The following CAPZA1 variants were observed in gnomAD, a reference collection of about 807,000 sequenced individuals.
CAPZA1 encodes capping actin protein of muscle Z-line subunit alpha 1.
Under a neutral mutation model 40.8 loss-of-function variants are expected in CAPZA1, and 10 were observed. The observed-to-expected ratio is 0.25, with a 90% confidence interval of 0.15 to 0.42. CAPZA1 has a LOEUF of 0.42. CAPZA1 is among the 10% of genes least tolerant of loss of function. The pLI, the probability that CAPZA1 is intolerant of heterozygous loss-of-function variation, is 1.00. For synonymous variants in CAPZA1, 98 were observed against 115.0 expected, an observed-to-expected ratio of 0.85 and a Z score of 0.95; for missense variants, 277 against 353.8, an observed-to-expected ratio of 0.78 and a Z score of 1.74.
At position 112,669,622 on chromosome 1, in the gene CAPZA1, T is replaced by A. The variant is rs1671792387; in HGVS notation, c.720+17T>A. 6.5e-7 allele frequency: 1 copy of A among 1,531,964 alleles called. No individual in the cohort carries two copies. Among genetic ancestry groups the A allele is most frequent in the African/African-American group, 1.4e-5 (1 of 73,146 alleles). The allele number at this position is 1,531,964 out of a possible 1,614,324, so 94.9% of individuals were successfully genotyped here. On this transcript the variant is annotated intron_variant, in intron 9 of 9. Coordinates refer to ENST00000263168, the MANE Select transcript of CAPZA1 (RefSeq NM_006135.3). ...GAGTATCAGGTAAGAAGATTTGGAG[T>A]TAATTTTCCTAGATCTACTATCTTA...
At chr1:112,646,588 T>A (rs1671285412) in intron 1 of CAPZA1, among the ~76,000 whole-genome samples, 2 of 152,146 alleles carry the variant, frequency 1.3e-5, no homozygotes, top group South Asian at 4.1e-4. Flanking sequence ...AATAAATAAA[T>A]TAATAAAGTT....
chr1:112,659,631 C>T (rs1427683153), intron 6 of CAPZA1, 70 bp from the exon 7 acceptor site: 2 of 1,167,336 alleles, frequency 1.7e-6, no homozygotes, highest in Non-Finnish European at 2.5e-6. Flanking sequence ...AACTTCTGTA[C>T]CTCAGTGGCA....
At chr1:112,650,708 C>T (rs1214907578) in intron 3 of CAPZA1, among the ~76,000 whole-genome samples, 4 of 152,196 alleles carry the variant, frequency 2.6e-5, no homozygotes, top group African/African-American at 4.8e-5. Flanking sequence ...ATGCTCTGTA[C>T]GTCACTTGAT....
chr1:112,664,185 T>A (rs1484925227), intron 7 of CAPZA1, among the ~76,000 whole-genome samples: 1 of 144,718 alleles, frequency 6.9e-6, no homozygotes, highest in Non-Finnish European at 1.5e-5. Flanking sequence ...TGAGCCGACA[T>A]CAGCCACTGT....
chr1:112,667,689 A>G (rs1671749442), intron 8 of CAPZA1, among the ~76,000 whole-genome samples: 1 of 151,990 alleles, frequency 6.6e-6, no homozygotes, highest in Non-Finnish European at 1.5e-5. Flanking sequence ...GCATGCCACC[A>G]TGCCCAGCTA....
Position 112,620,129 on chromosome 1 carries a change from G to A in CAPZA1, c.39+246G>A, listed in dbSNP as rs769413841. ...TGAGGCACAGCCCAGGGGCCTCCCT[G>A]CAAGGGAACAGACGTTTCCTTTATT... is the stretch of plus-strand genomic sequence containing the variant. On this transcript the variant is annotated intron_variant, in intron 1 of 9. Coordinates refer to ENST00000263168, the MANE Select transcript of CAPZA1 (RefSeq NM_006135.3). 4 of 424,132 alleles carry A rather than the reference G, an allele frequency of 9.4e-6. No homozygotes were observed. In the South Asian group the frequency reaches 1.3e-4, roughly 14 times the overall value. 26.3% of individuals were successfully genotyped at this position (424,132 alleles called of 1,614,324 possible). A position where few individuals can be genotyped will look rare whatever the true frequency, so the allele number is the denominator to read the frequency against.
chr1:112,659,038 T>G lies in CAPZA1; in HGVS notation c.443T>G (p.Ile148Ser). 1 of 1,613,280 alleles carries G rather than the reference T, an allele frequency of 6.2e-7. No individual in the cohort carries two copies. Among genetic ancestry groups the G allele is most frequent in the Admixed American group, 1.7e-5 (1 of 59,990 alleles). The stretch of plus-strand genomic sequence containing the variant: ...CAACAATAGGTTTATGCTAAAACTA[T>G]CGATGGGCAACAGACTATTATTGCA... ...NGFCTVYAKT[I>S]DGQQTIIACI... Residue 148 changes from isoleucine to serine, a missense_variant, in exon 6 of 10, where the codon ATC becomes AGC. Ile to Ser is a moderately radical substitution (Grantham distance 142). Coordinates refer to ENST00000263168, the MANE Select transcript of CAPZA1 (RefSeq NM_006135.3).
intron 1 of CAPZA1, among the ~76,000 whole-genome samples, chr1:112,621,409 G>A (rs1437596594): frequency 6.6e-6 from 1 of 151,878 alleles, no homozygotes; most frequent in Admixed American, 6.6e-5. Context: ...CCGCCACCAA[G>A]TCCAGCTAAT....
At chr1:112,662,146 G>A (rs1671624480) in intron 7 of CAPZA1, among the ~76,000 whole-genome samples, 1 of 152,082 alleles carries the variant, frequency 6.6e-6, no homozygotes, top group African/African-American at 2.4e-5. Flanking sequence ...TCTCAACTCT[G>A]TCACCTAGGC....
In CAPZA1 at chr1:112,669,984, TA is replaced by T; in HGVS notation, c.721-7del. Reference sequence around the variant, plus strand: ...TTCAAGCAACTCATCTTCAATTATCTATTGCAGACAGCAATTAGTGAAAACT... The same window carrying T: ...TTCAAGCAACTCATCTTCAATTATCTTTGCAGACAGCAATTAGTGAAAACT... On this transcript the variant is annotated splice_polypyrimidine_tract_variant and splice_region_variant and intron_variant, in intron 9 of 9. Coordinates refer to ENST00000263168, the MANE Select transcript of CAPZA1 (RefSeq NM_006135.3). 1 of 1,613,420 alleles carries T rather than the reference TA, an allele frequency of 6.2e-7. No individual in the cohort carries two copies. Among genetic ancestry groups the T allele is most frequent in the Non-Finnish European group, 8.5e-7 (1 of 1,179,642 alleles).
intron 1 of CAPZA1, among the ~76,000 whole-genome samples, chr1:112,641,242 T>G (rs1441803092): frequency 1.3e-5 from 2 of 150,824 alleles, no homozygotes; most frequent in Non-Finnish European, 2.9e-5. Flanking sequence ...AATAAATAAA[T>G]AATTGAAAAA....
At chr1:112,647,806 C>T (rs183531523) in intron 2 of CAPZA1, among the ~76,000 whole-genome samples, 12 of 152,266 alleles carry the variant, frequency 7.9e-5, no homozygotes, top group Admixed American at 2.0e-4. Flanking sequence ...GATTCTGAAT[C>T]GCAGCAGGTT....
intron 1 of CAPZA1, among the ~76,000 whole-genome samples, chr1:112,631,486 T>A (rs1353352505): frequency 1.3e-5 from 2 of 152,170 alleles, no homozygotes; most frequent in African/African-American, 4.8e-5. Flanking sequence ...TGTGAAACTG[T>A]ATCTGACTCC....
At chr1:112,646,328 C>G (rs1199802307) in intron 1 of CAPZA1, among the ~76,000 whole-genome samples, 3 of 152,210 alleles carry the variant, frequency 2.0e-5, no homozygotes, top group Non-Finnish European at 4.4e-5. Context: ...ACCAATAATC[C>G]CAACACTTTG....
chr1:112,631,772 G>A (rs1392996397), intron 1 of CAPZA1, among the ~76,000 whole-genome samples: 1 of 152,028 alleles, frequency 6.6e-6, no homozygotes, highest in Non-Finnish European at 1.5e-5. Flanking sequence ...GACCAGAATA[G>A]GTTCAAAGAG....
intron 5 of CAPZA1, among the ~76,000 whole-genome samples, chr1:112,657,319 T>A (rs1671518053): frequency 6.6e-6 from 1 of 152,170 alleles, no homozygotes; most frequent in African/African-American, 2.4e-5. Flanking sequence ...TCTTCTCCAC[T>A]TTTTCCCTTC....
chr1:112,626,182 T>G (rs925854066), intron 1 of CAPZA1: 2 of 152,318 alleles, frequency 1.3e-5, no homozygotes, highest in East Asian at 3.9e-4. Context: ...AACCTGAACC[T>G]GCTTGACAGA....
intron 7 of CAPZA1, among the ~76,000 whole-genome samples, chr1:112,665,796 T>C (rs1671713815): frequency 6.6e-6 from 1 of 152,172 alleles, no homozygotes; most frequent in African/African-American, 2.4e-5. Context: ...CTCTTAATAT[T>C]ATCCCATTGC....
intron 7 of CAPZA1, among the ~76,000 whole-genome samples, chr1:112,662,454 A>G (rs1184536370): frequency 2.3e-5 from 3 of 129,506 alleles, no homozygotes; most frequent in South Asian, 5.1e-4. Context: ...GATGGAGTGC[A>G]GTGGCAGGAT....
Sources: allele counts gnomAD v4.1 joint callset (sites outside exome capture counted in the v4.1 genomes callset), GRCh38; gene constraint gnomAD v4.1.1; transcripts MANE v1.5; gene names NCBI Gene and HGNC (gene_info 2026-07-23, HGNC 2026-07-21).